The following RGMA variants were observed in gnomAD, a reference collection of about 807,000 sequenced individuals.
The protein encoded by RGMA is repulsive guidance molecule A.
RGMA carries 10 observed loss-of-function variants against 23.2 expected under a neutral mutation model. The observed-to-expected ratio is 0.43, with a 90% CI of 0.27 to 0.73. The LOEUF is 0.73. RGMA is among the 30% of genes least tolerant of loss of function. The pLI is 0.20. For synonymous variants in RGMA, 308 were observed against 279.3 expected (o/e 1.10, Z -1.03); for missense variants, 547 against 630.5 (o/e 0.87, Z 1.42).
intron 1 of RGMA, among the ~76,000 whole-genome samples, chr15:93,086,166 C>A (rs1447820023): frequency 6.6e-6 from 1 of 152,146 alleles, no homozygotes; most frequent in East Asian, 1.9e-4. Context: ...GAAGCAAAGC[C>A]ATTCCCTAAA....
At chr15:93,066,231 A>T (rs11074135) in intron 2 of RGMA, 446,968 of 1,335,430 alleles carry the variant, frequency 0.33, 88,144 homozygotes, top group East Asian at 0.76. Flanking sequence ...CGCTGCGCAG[A>T]AACTTCCTGG....
chr15:93,071,462 C>CGACATCTTG (rs1445887974), intron 2 of RGMA, among the ~76,000 whole-genome samples: 1 of 152,174 alleles, frequency 6.6e-6, no homozygotes, highest in Non-Finnish European at 1.5e-5. Flanking sequence ...ATCCCTCACC[C>CGACATCTTG]GACATCTTGT....
In RGMA at chr15:93,088,901, C is replaced by T. The variant is rs1290449806; in HGVS notation, c.14+18G>A. On this transcript the variant is annotated intron_variant, in intron 1 of 3. Transcript: ENST00000329082. ...AGATGTCAGAGCCGGGTCTGCCCGGCTCCCGACCCGCGCTTACCTTGGCGG... is the reference window on the plus strand; with the variant it reads ...AGATGTCAGAGCCGGGTCTGCCCGGTTCCCGACCCGCGCTTACCTTGGCGG... 1.4e-6 allele frequency: 2 copies of T among 1,476,594 alleles called. No homozygotes were observed. 91.5% of individuals were successfully genotyped at this position (1,476,594 alleles called of 1,614,324 possible).
rs781613154 is a variant in RGMA, at chr15:93,052,297, T to C, written c.341A>G (p.Asn114Ser). The change falls in exon 3 of 4, where the codon AAC becomes AGC. Residue 114 changes from asparagine (N) to serine (S), a missense_variant. Transcript: ENST00000329082. ...CGAGGTGGGGCCATCCTTGGAGCAG[T>C]TGTGCTGGCTCATGAGGTCCTCTAT... ...HGIEDLMSQHNCSKDGPTSQP... is the reference protein window; with the variant it reads ...HGIEDLMSQHSCSKDGPTSQP... 3.1e-6 allele frequency: 5 copies of C among 1,604,288 alleles called. No homozygotes were observed. The highest frequency in any genetic ancestry group is 4.2e-6 in the Non-Finnish European group (5 of 1,177,740).
At chr15:93,066,574 G>GTACCACCACCGC (rs1176013168) in intron 2 of RGMA, 1 of 469,414 alleles carries the variant, frequency 2.1e-6, no homozygotes, top group Non-Finnish European at 4.1e-6. Context: ...GCGGGCACTG[G>GTACCACCACCGC]TACCACCACC....
At chr15:93,063,868 G>T (rs1895052380) in intron 2 of RGMA, among the ~76,000 whole-genome samples, 1 of 152,180 alleles carries the variant, frequency 6.6e-6, no homozygotes, top group African/African-American at 2.4e-5. Context: ...TGGGGTTGTG[G>T]AGGGGTAACT....
intron 1 of RGMA, chr15:93,074,053 G>GGAA: frequency 7.4e-7 from 1 of 1,348,538 alleles, no homozygotes; most frequent in Non-Finnish European, 9.5e-7. Context: ...AGGTTCCCTG[G>GGAA]GCCCTGCAGT....
At chr15:93,079,353 T>A (rs1361212362) in intron 1 of RGMA, among the ~76,000 whole-genome samples, 4 of 152,198 alleles carry the variant, frequency 2.6e-5, no homozygotes, top group African/African-American at 9.6e-5. Flanking sequence ...ATCCTGGGTT[T>A]CTCCCTCGTC....
intron 1 of RGMA, among the ~76,000 whole-genome samples, chr15:93,075,421 A>C (rs940264082): frequency 1.2e-4 from 18 of 152,186 alleles, no homozygotes; most frequent in Admixed American, 2.0e-4. Context: ...ACACTGCCCC[A>C]AAAAAGACAA....
chr15:93,045,240 C>G lies in RGMA; in HGVS notation c.1111G>C (p.Glu371Gln). The change falls in exon 4 of 4, where the codon GAG (glutamate) becomes CAG (glutamine). Residue 371 changes from glutamate (E) to glutamine (Q), a missense_variant. Glu to Gln is a conservative substitution (Grantham distance 29, BLOSUM62 2). Coordinates refer to ENST00000329082, the MANE Select transcript of RGMA (RefSeq NM_020211.3). The surrounding 1 kb of genome is among the most constrained non-coding windows in gnomAD (Gnocchi z 6.9). ...VAKCKEKLPV[E>Q]DLYYQACVFD... ...ACGCAGGCCTGGTAGTACAGGTCCT[C>G]CACCGGCAGCTTCTCCTTGCACTTG... 6.2e-7 allele frequency: 1 copy of G among 1,613,012 alleles called. No individual in the cohort carries two copies. Among genetic ancestry groups the G allele is most frequent in the East Asian group, 2.2e-5 (1 of 44,842 alleles).
At chr15:93,048,775 G>A (rs184512591) in intron 3 of RGMA, among the ~76,000 whole-genome samples, 8 of 152,130 alleles carry the variant, frequency 5.3e-5, no homozygotes, top group African/African-American at 1.9e-4. Flanking sequence ...CCTCGGTGGG[G>A]AGGCCGCCTG....
chr15:93,081,146 A>G (rs1028800643), intron 1 of RGMA, among the ~76,000 whole-genome samples: 1 of 152,136 alleles, frequency 6.6e-6, no homozygotes, highest in East Asian at 1.9e-4. Context: ...GCCCTGTCCT[A>G]TCTTCAGCCC....
chr15:93,071,509 G>T (rs375837934), intron 2 of RGMA, among the ~76,000 whole-genome samples: 1 of 152,242 alleles, frequency 6.6e-6, no homozygotes, highest in Admixed American at 6.5e-5. Flanking sequence ...TAGGTCTGGA[G>T]AGCAGGTTGC....
At chr15:93,058,355 G>A (rs1374049554) in intron 2 of RGMA, among the ~76,000 whole-genome samples, 4 of 152,176 alleles carry the variant, frequency 2.6e-5, no homozygotes, top group Non-Finnish European at 4.4e-5. Flanking sequence ...CAAATTCACT[G>A]ACCTTTCTGA....
At chr15:93,073,480 C>A (rs534286173) in intron 1 of RGMA, 18 of 1,161,760 alleles carry the variant, frequency 1.5e-5, no homozygotes, top group Non-Finnish European at 1.8e-5. Flanking sequence ...GGGCATGAGG[C>A]GGGGCAGGAC....
At position 93,043,077 on chromosome 15, in the gene RGMA, GGAA is replaced by G. The variant is rs2054745100; in HGVS notation, c.*1918_*1920del. The G allele has an allele frequency of 6.6e-6, 1 of 152,284 alleles. No homozygotes were observed. The highest frequency in any genetic ancestry group is 2.4e-5 in the African/African-American group (1 of 41,462). 9.4% of individuals were successfully genotyped at this position (152,284 alleles called of 1,614,324 possible). A position where few individuals can be genotyped will look rare whatever the true frequency, so the allele number is the denominator to read the frequency against. On this transcript the variant is annotated 3_prime_UTR_variant, in exon 4 of 4. Transcript: ENST00000329082. ...CTCCAAAGACAGCTCATCGTGAGGAGGAAAAGTGACTTTACAAAAGCAATGTGT... is the reference window on the plus strand; with the variant it reads ...CTCCAAAGACAGCTCATCGTGAGGAGAAGTGACTTTACAAAAGCAATGTGT...
intron 1 of RGMA, among the ~76,000 whole-genome samples, chr15:93,086,928 G>A (rs1895642095): frequency 1.3e-5 from 2 of 152,208 alleles, no homozygotes; most frequent in East Asian, 1.9e-4. Context: ...CTCCTTGAAT[G>A]AGATGCCAAG....
In RGMA at chr15:93,088,414, C is replaced by A. The variant is rs971394733; in HGVS notation, c.14+505G>T. On this transcript the variant is annotated intron_variant, in intron 1 of 3. Coordinates refer to ENST00000329082, the MANE Select transcript of RGMA (RefSeq NM_020211.3). ...AGGTCCGCACCTTCCCGTACGCCGG[C>A]GCGCCGAGGCAAAGGGCCGCCGGGA... The A allele has an allele frequency of 1.2e-5, 12 of 985,574 alleles. No individual in the cohort carries two copies. In the African/African-American group the frequency reaches 2.1e-4, roughly 17 times the overall value. 61.1% of individuals were successfully genotyped at this position (985,574 alleles called of 1,614,324 possible). A position where few individuals can be genotyped will look rare whatever the true frequency, so the allele number is the denominator to read the frequency against.
chr15:93,068,519 A>T (rs759868305), intron 2 of RGMA, among the ~76,000 whole-genome samples: 5 of 152,262 alleles, frequency 3.3e-5, no homozygotes, highest in South Asian at 2.1e-4. Context: ...CCATTTCTCC[A>T]ACCTTGCAAA....
Sources: gnomAD v4.1 joint callset for allele counts (sites outside exome capture counted in the v4.1 genomes callset) on GRCh38, gnomAD v4.1.1 for gene constraint, Gnocchi (gnomAD v3.1) non-coding constraint, MANE v1.5 for transcripts, NCBI Gene and HGNC (gene_info 2026-07-23, HGNC 2026-07-21) for gene names.